Variants in RGR observed in about 807,000 individuals in gnomAD.
RGR encodes retinal G protein coupled receptor, also known as RPE-retinal G protein-coupled receptor.
In RGR, 30 loss-of-function variants were observed where a neutral mutation model predicts 28.6. That is an observed-to-expected ratio of 1.05 (90% confidence interval 0.78 to 1.42). RGR has a LOEUF of 1.42. RGR is among the 40% of genes most tolerant of loss of function. The pLI is 0.00. For missense variants in RGR, 404 were observed against 375.6 expected, an observed-to-expected ratio of 1.08 and a Z score of -0.62; for synonymous variants, 180 against 156.4, an observed-to-expected ratio of 1.15 and a Z score of -1.13.
rs777166801 is a variant in RGR at position 84,247,576 on chromosome 10, C to A, written c.80-15C>A. Reference sequence around the variant, plus strand: ...CCTCAGCAGCCCCAATGCCAGCCCCCACCCTTCCTTTCAGCTCTCTCCGGT... The same window carrying A: ...CCTCAGCAGCCCCAATGCCAGCCCCAACCCTTCCTTTCAGCTCTCTCCGGT... On this transcript the variant is annotated splice_polypyrimidine_tract_variant and intron_variant, in intron 1 of 6. Coordinates refer to ENST00000652092, the MANE Select transcript of RGR (RefSeq NM_001012720.2). 3 of 1,614,114 alleles carry A rather than the reference C, an allele frequency of 1.9e-6. No individual in the cohort carries two copies. The highest frequency in any genetic ancestry group is 2.2e-5 in the South Asian group (2 of 91,078).
At chr10:84,247,392 A>C (rs2132876622) in intron 1 of RGR, among the ~76,000 whole-genome samples, 199 bp from the exon 2 acceptor site, 2 of 152,312 alleles carry the variant, frequency 1.3e-5, no homozygotes, top group Middle Eastern at 3.4e-3. Flanking sequence ...TAAAGTGCTT[A>C]TCCTGGTGCC....
chr10:84,256,714 TCCCAAG>T (rs1486757721), intron 5 of RGR, among the ~76,000 whole-genome samples: 4 of 152,116 alleles, frequency 2.6e-5, no homozygotes, highest in Non-Finnish European at 5.9e-5. Context: ...GCGATGCCGG[TCCCAAG>T]CCCTGTCTGG....
In RGR at chr10:84,259,781, T is replaced by G. The variant is rs1006253013; in HGVS notation, c.*1142T>G. The G allele has an allele frequency of 3.3e-5, 5 of 152,168 alleles. No individual in the cohort carries two copies. The highest frequency in any genetic ancestry group is 1.2e-4 in the African/African-American group (5 of 41,444). 9.4% of individuals were successfully genotyped at this position (152,168 alleles called of 1,614,324 possible). On this transcript the variant is annotated 3_prime_UTR_variant, in exon 7 of 7. Coordinates refer to ENST00000652092, the MANE Select transcript of RGR (RefSeq NM_001012720.2). Reference sequence around the variant, plus strand: ...TTGAGTTATTTGAGTTTCTTATATATTCTGGATAATAGTCTGGATAATATA... The same window carrying G: ...TTGAGTTATTTGAGTTTCTTATATAGTCTGGATAATAGTCTGGATAATATA...
chr10:84,252,563 T>G (rs1187636634), intron 3 of RGR, among the ~76,000 whole-genome samples: 2 of 152,220 alleles, frequency 1.3e-5, no homozygotes, highest in African/African-American at 4.8e-5. Context: ...TCAAAGAAGC[T>G]CTTCACTTGC....
At chr10:84,245,532 A>T (rs1842737059) in intron 1 of RGR, among the ~76,000 whole-genome samples, 2 of 152,246 alleles carry the variant, frequency 1.3e-5, no homozygotes, top group South Asian at 4.1e-4. Flanking sequence ...ATCCCACATA[A>T]GATCAGTCCC....
intron 1 of RGR, among the ~76,000 whole-genome samples, chr10:84,245,772 G>A (rs1374980108): frequency 6.6e-6 from 1 of 152,186 alleles, no homozygotes; most frequent in African/African-American, 2.4e-5. Context: ...ACTCCTATGA[G>A]CCCAAGCACT....
At position 84,247,596 on chromosome 10, in the gene RGR, T is replaced by C. The variant is rs756684270; in HGVS notation, c.85T>C (p.Ser29Pro). The C allele has an allele frequency of 1.2e-6, 2 of 1,614,122 alleles. No homozygotes were observed. The highest frequency in any genetic ancestry group is 1.7e-6 in the Non-Finnish European group (2 of 1,180,018). ...VGMVLLVEAL[S>P]GLSLNTLTIF... ...GCCCCCACCCTTCCTTTCAGCTCTC[T>C]CCGGTCTCAGCCTCAATACCCTGAC... Residue 29 changes from serine to proline, a missense_variant, in exon 2 of 7, where the codon TCC (serine) becomes CCC (proline). Ser to Pro is a moderately conservative substitution (Grantham distance 74). Coordinates refer to ENST00000652092, the MANE Select transcript of RGR (RefSeq NM_001012720.2).
At chr10:84,255,718 CTTTTT>C (rs71013305) in intron 5 of RGR, among the ~76,000 whole-genome samples, 31,014 of 103,198 alleles carry the variant, frequency 0.3, 4,510 homozygotes, top group African/African-American at 0.52. Flanking sequence ...GGTTTTCTTT[CTTTTT>C]TTTTTTTTTT....
chr10:84,258,859 C>G lies in RGR; in HGVS notation c.*220C>G, dbSNP rs886047352. ...GCCCCCTACACTCAAGGCTGAGAGG[C>G]CTCAGGAAAGTCATTCCTTTTTAAA... On this transcript the variant is annotated 3_prime_UTR_variant, in exon 7 of 7. Coordinates refer to ENST00000652092, the MANE Select transcript of RGR (RefSeq NM_001012720.2). 33 of 607,868 alleles carry G rather than the reference C, an allele frequency of 5.4e-5. No individual in the cohort carries two copies. The highest frequency in any genetic ancestry group is 1.4e-5 in the Non-Finnish European group (5 of 347,240). The allele number at this position is 607,868 out of a possible 1,614,324, so 37.7% of individuals were successfully genotyped here.
chr10:84,248,626 C>T (rs1342382874), intron 2 of RGR: 1 of 519,842 alleles, frequency 1.9e-6, no homozygotes, highest in Non-Finnish European at 3.5e-6. Flanking sequence ...AGTTTCCCCA[C>T]CTATCAAATA....
Position 84,259,070 on chromosome 10 carries a change from C to G in RGR, c.*431C>G, listed in dbSNP as rs1054133417. ...TGAGTCTCCAATGTCTATTATTCCA[C>G]ACTCCATGTCCACGTGTACACATTA... On this transcript the variant is annotated 3_prime_UTR_variant, in exon 7 of 7. Coordinates refer to ENST00000652092, the MANE Select transcript of RGR (RefSeq NM_001012720.2). 7 of 253,902 alleles carry G rather than the reference C, an allele frequency of 2.8e-5. No homozygotes were observed. The Admixed American group carries it at 3.4e-4, about 12-fold the overall frequency. The allele number at this position is 253,902 out of a possible 1,614,324, so 15.7% of individuals were successfully genotyped here. A position where few individuals can be genotyped will look rare whatever the true frequency, so the allele number is the denominator to read the frequency against.
chr10:84,257,172 G>A (rs1225018910), intron 5 of RGR, among the ~76,000 whole-genome samples: 1 of 152,234 alleles, frequency 6.6e-6, no homozygotes, highest in Non-Finnish European at 1.5e-5. Context: ...CCGCGTGTTT[G>A]TGCGGGGCTG....
rs1298199994 is a variant in RGR, at chr10:84,257,925, G to A, written c.663G>A (p.Leu221=). ...CCACTCTGCCAGCAAGGACGCTGCT[G>A]CTCGGCTGGGGCCCCTATGCCATCC... The part of the protein sequence containing the change: ...VNTTLPARTL[L]LGWGPYAILY... The change falls in exon 6 of 7, where the codon CTG becomes CTA. Residue 221 remains leucine (L), a synonymous_variant. Coordinates refer to ENST00000652092, the MANE Select transcript of RGR (RefSeq NM_001012720.2). 6.2e-7 allele frequency: 1 copy of A among 1,614,126 alleles called. No homozygotes were observed. Among genetic ancestry groups the A allele is most frequent in the Non-Finnish European group, 8.5e-7 (1 of 1,180,028 alleles).
At chr10:84,255,713 T>C (rs1365378426) in intron 5 of RGR, among the ~76,000 whole-genome samples, 2 of 129,632 alleles carry the variant, frequency 1.5e-5, no homozygotes, top group Non-Finnish European at 3.1e-5. Flanking sequence ...AAAGAGGTTT[T>C]CTTTCTTTTT....
At position 84,245,110 on chromosome 10, in the gene RGR, T is replaced by A; in HGVS notation, c.20T>A (p.Leu7Gln). 1 of 1,613,662 alleles carries A rather than the reference T, an allele frequency of 6.2e-7. No individual in the cohort carries two copies. The highest frequency in any genetic ancestry group is 8.5e-7 in the Non-Finnish European group (1 of 1,179,908). Residue 7 changes from leucine (L) to glutamine (Q), a missense_variant, in exon 1 of 7, where the codon CTG (leucine) becomes CAG (glutamine). Leu to Gln is a moderately radical substitution (Grantham distance 113, BLOSUM62 -2). Transcript: ENST00000652092. ...GTGAGGATGGCAGAGACCAGTGCCCTGCCCACTGGCTTCGGGGAGCTCGAG... is the reference window on the plus strand; with the variant it reads ...GTGAGGATGGCAGAGACCAGTGCCCAGCCCACTGGCTTCGGGGAGCTCGAG... MAETSA[L>Q]PTGFGELEVL...
In RGR at chr10:84,254,413, G is replaced by T. The variant is rs748250612; in HGVS notation, c.600G>T (p.Glu200Asp). The T allele has an allele frequency of 5.6e-6, 9 of 1,614,150 alleles. No individual in the cohort carries two copies. The South Asian group carries it at 9.9e-5, about 18-fold the overall frequency. ...FITITSYSLMEQKLGKSGHLQ... is the reference protein window; with the variant it reads ...FITITSYSLMDQKLGKSGHLQ... ...CGATCACTTCCTACAGTCTCATGGA[G>T]CAGAAACTGGGGAAGAGTGGCCATC... Residue 200 changes from glutamate (E) to aspartate (D), a missense_variant, in exon 5 of 7, where the codon GAG becomes GAT. By Grantham distance (45) the Glu-to-Asp change is conservative. Transcript: ENST00000652092.
At chr10:84,248,826 C>T in intron 2 of RGR, 96 bp from the exon 3 acceptor site, 1 of 1,608,112 alleles carries the variant, frequency 6.2e-7, no homozygotes, top group South Asian at 1.1e-5. Context: ...AGAAGAAGGG[C>T]AGCATTCAGG....
intron 3 of RGR, chr10:84,251,042 C>G (rs1329665245): frequency 1.3e-5 from 2 of 152,100 alleles, no homozygotes; most frequent in Admixed American, 1.3e-4. Flanking sequence ...CGAGACCAGC[C>G]TGGCCAACAT....
intron 3 of RGR, chr10:84,250,812 C>T (rs979893636): frequency 1.1e-5 from 2 of 174,750 alleles, no homozygotes; most frequent in Non-Finnish European, 2.4e-5. Flanking sequence ...TTATTGTGCC[C>T]ACAGAGAATT....
Sources: allele counts gnomAD v4.1 joint callset (sites outside exome capture counted in the v4.1 genomes callset), GRCh38; gene constraint gnomAD v4.1.1; transcripts MANE v1.5; gene names NCBI Gene and HGNC (gene_info 2026-07-23, HGNC 2026-07-21).